Variants in TNS1 observed in about 807,000 individuals in gnomAD.
TNS1 encodes tensin 1.
Under a neutral mutation model 168.6 loss-of-function variants are expected in TNS1, and 62 were observed. That is an observed-to-expected ratio of 0.37 (90% CI 0.30 to 0.45). The LOEUF (loss-of-function observed/expected upper bound fraction) is 0.45. TNS1 is among the 20% of genes least tolerant of loss of function. The pLI, the probability that TNS1 is intolerant of heterozygous loss-of-function variation, is 1.00. For missense variants in TNS1, 2,240 were observed against 2,339.4 expected (o/e 0.96, Z 0.88); for synonymous variants, 934 against 933.2 (o/e 1.00, Z -0.02).
chr2:217,970,650 A>G (rs1374898077), intron 3 of TNS1, among the ~76,000 whole-genome samples: 1 of 152,236 alleles, frequency 6.6e-6, no homozygotes, highest in Admixed American at 6.5e-5. Context: ...CAGCTATGAA[A>G]CCATCAGAAT....
intron 3 of TNS1, among the ~76,000 whole-genome samples, chr2:217,936,757 C>T (rs1196021064): frequency 6.6e-6 from 1 of 152,178 alleles, no homozygotes. Context: ...TCCCCAAAGC[C>T]ATCCTTTCCC....
intron 32 of TNS1, among the ~76,000 whole-genome samples, chr2:217,807,624 A>G (rs1258893420): frequency 6.6e-6 from 1 of 152,218 alleles, no homozygotes; most frequent in African/African-American, 2.4e-5. Flanking sequence ...TCCCAGGGCC[A>G]TCCCCAGAAT....
chr2:217,878,243 A>G (rs1278439728), intron 18 of TNS1, among the ~76,000 whole-genome samples: 2 of 152,036 alleles, frequency 1.3e-5, no homozygotes, highest in African/African-American at 4.8e-5. Context: ...TCTTCCTAAC[A>G]GTCAGGATGG....
chr2:218,028,712 C>A (rs1958869110), intron 1 of TNS1, among the ~76,000 whole-genome samples: 1 of 152,200 alleles, frequency 6.6e-6, no homozygotes, highest in African/African-American at 2.4e-5. Flanking sequence ...CTGCTCTGGG[C>A]TTTACAGCTA....
intron 22 of TNS1, among the ~76,000 whole-genome samples, chr2:217,827,411 G>C (rs867786780): frequency 1.3e-5 from 2 of 152,032 alleles, no homozygotes; most frequent in African/African-American, 4.8e-5. Flanking sequence ...AGCCTCAGAG[G>C]GTCAGCAAAG....
intron 23 of TNS1, among the ~76,000 whole-genome samples, chr2:217,820,914 G>A (rs949688597): frequency 6.6e-6 from 1 of 152,104 alleles, no homozygotes; most frequent in Non-Finnish European, 1.5e-5. Context: ...TCCCCTAATG[G>A]CAGGCCACAT....
chr2:218,006,175 C>T (rs910036641), upstream of TNS1, among the ~76,000 whole-genome samples: 25 of 152,270 alleles, frequency 1.6e-4, no homozygotes, highest in African/African-American at 6.0e-4. Context: ...AGAGTCAGGT[C>T]TGTGGGCTGT....
intron 18 of TNS1, among the ~76,000 whole-genome samples, chr2:217,859,022 G>T (rs1340921030): frequency 4.1e-5 from 5 of 122,692 alleles, no homozygotes; most frequent in African/African-American, 1.6e-4. Flanking sequence ...AGCCCAGCCT[G>T]GTCCCAGCAC....
intron 12 of TNS1, 32 bp downstream of exon 12, chr2:217,890,930 C>T: frequency 6.2e-7 from 1 of 1,605,878 alleles, no homozygotes; most frequent in South Asian, 1.1e-5. Flanking sequence ...TGCACACATA[C>T]ATGCAAGGGG....
intron 3 of TNS1, among the ~76,000 whole-genome samples, chr2:217,961,317 A>T (rs1559389166): frequency 6.6e-6 from 1 of 150,964 alleles, no homozygotes; most frequent in Non-Finnish European, 1.5e-5. Flanking sequence ...TCTATGGTTG[A>T]CCCACTTTGG....
intron 3 of TNS1, among the ~76,000 whole-genome samples, chr2:217,926,400 C>T (rs539217927): frequency 4.0e-4 from 61 of 152,272 alleles, no homozygotes; most frequent in South Asian, 1.2e-3. Context: ...TACACCACTT[C>T]GTGTTTTTCT....
intron 3 of TNS1, among the ~76,000 whole-genome samples, chr2:217,955,221 G>A (rs72951947): frequency 0.11 from 16,420 of 152,182 alleles, 901 homozygotes; most frequent in Middle Eastern, 0.16. Flanking sequence ...TTCCACGCCC[G>A]CAGTGCCAAC....
chr2:218,004,035 C>T (rs544852990), upstream of TNS1, among the ~76,000 whole-genome samples: 7 of 152,178 alleles, frequency 4.6e-5, no homozygotes, highest in Non-Finnish European at 8.8e-5. Context: ...CCACCACGTT[C>T]CCCTCCAAAA....
chr2:217,950,713 G>A (rs1957218253), intron 3 of TNS1, among the ~76,000 whole-genome samples: 1 of 151,102 alleles, frequency 6.6e-6, no homozygotes, highest in Non-Finnish European at 1.5e-5. Context: ...CCAGGTCCAA[G>A]TCTGGTTCCT....
intron 3 of TNS1, among the ~76,000 whole-genome samples, chr2:217,940,443 C>T (rs1956855169): frequency 6.6e-6 from 1 of 152,188 alleles, no homozygotes; most frequent in Admixed American, 6.5e-5. Context: ...TTGCCTGTCC[C>T]CCTCGCTCCT....
At chr2:217,896,498 GC>G (rs1952319166) in intron 8 of TNS1, among the ~76,000 whole-genome samples, 1 of 152,178 alleles carries the variant, frequency 6.6e-6, no homozygotes, top group Non-Finnish European at 1.5e-5. Context: ...TTGGAGTGAT[GC>G]GCTACAAACC....
At chr2:217,957,630 A>C (rs1957398387) in intron 3 of TNS1, among the ~76,000 whole-genome samples, 1 of 152,132 alleles carries the variant, frequency 6.6e-6, no homozygotes, top group Non-Finnish European at 1.5e-5. Flanking sequence ...AAAGAAACCA[A>C]TCCAAATAAG....
chr2:217,866,004 T>C (rs1265413762), intron 18 of TNS1, among the ~76,000 whole-genome samples: 1 of 152,132 alleles, frequency 6.6e-6, no homozygotes, highest in Non-Finnish European at 1.5e-5. Flanking sequence ...TCCTCAACTT[T>C]CAGAAAATCT....
intron 28 of TNS1, among the ~76,000 whole-genome samples, chr2:217,811,323 TAATTC>T (rs1214383671): frequency 1.3e-5 from 2 of 152,242 alleles, no homozygotes; most frequent in Non-Finnish European, 1.5e-5. Flanking sequence ...CATAGGAATA[TAATTC>T]AATTCATGTC....
Sources: allele counts gnomAD v4.1 joint callset (sites outside exome capture counted in the v4.1 genomes callset), GRCh38; gene constraint gnomAD v4.1.1; transcripts MANE v1.5; gene names NCBI Gene and HGNC (gene_info 2026-07-23, HGNC 2026-07-21).